Variants in ECI1 observed in about 807,000 individuals in gnomAD.
The protein encoded by ECI1 is enoyl-CoA delta isomerase 1, mitochondrial.
Under a neutral mutation model 34.2 loss-of-function variants are expected in ECI1, and 34 were observed. The ratio of observed to expected loss-of-function variants is 1.00; its 90% CI spans 0.76 to 1.33. The LOEUF (loss-of-function observed/expected upper bound fraction) is 1.33. Ranked by LOEUF, ECI1 falls within the 40% of genes most tolerant of loss-of-function variation. The pLI is 0.00. For missense variants in ECI1, 456 were observed against 422.2 expected (o/e 1.08, Z -0.70); for synonymous variants, 211 against 193.0 (o/e 1.09, Z -0.77).
At position 2,243,390 on chromosome 16, in the gene ECI1, C is replaced by A. The variant is rs202037059; in HGVS notation, c.491G>T (p.Arg164Leu). Reference protein sequence around the residue: ...GCLVALTCDYRILADNPRYCI... With the variant: ...GCLVALTCDYLILADNPRYCI... The stretch of plus-strand genomic sequence containing the variant: ...GTACCTGGGGTTGTCCGCCAGGATG[C>A]GGTAGTCACAGGTCAGGGCCACCAG... Residue 164 changes from arginine to leucine, a missense_variant, in exon 5 of 7, where the codon CGC becomes CTC. Transcript: ENST00000301729. 35 of 1,613,396 alleles carry A rather than the reference C, an allele frequency of 2.2e-5. No homozygotes were observed. Among genetic ancestry groups the A allele is most frequent in the Non-Finnish European group, 2.9e-5 (34 of 1,179,962 alleles).
At chr16:2,247,243 C>T (rs1479234628) in intron 2 of ECI1, among the ~76,000 whole-genome samples, 2 of 152,090 alleles carry the variant, frequency 1.3e-5, no homozygotes, top group Non-Finnish European at 2.9e-5. Flanking sequence ...ACTACAGGTG[C>T]CCACCACCAC....
intron 2 of ECI1, among the ~76,000 whole-genome samples, chr16:2,249,151 T>C (rs1442774264): frequency 6.6e-6 from 1 of 152,132 alleles, no homozygotes; most frequent in Non-Finnish European, 1.5e-5. Context: ...GTTCACACCA[T>C]TCTCCTGCCT....
intron 3 of ECI1, among the ~76,000 whole-genome samples, chr16:2,245,694 C>T (rs1289849036): frequency 6.6e-6 from 1 of 151,754 alleles, no homozygotes; most frequent in Non-Finnish European, 1.5e-5. Context: ...AGCAAGACCC[C>T]GCCTGTACAA....
At chr16:2,244,865 G>A (rs2093536699) in intron 3 of ECI1, among the ~76,000 whole-genome samples, 1 of 152,216 alleles carries the variant, frequency 6.6e-6, no homozygotes, top group African/African-American at 2.4e-5. Flanking sequence ...CGCCTGGCTC[G>A]GGCAGAAGAA....
chr16:2,239,695 C>T lies in ECI1; in HGVS notation c.*284G>A, dbSNP rs2141492212. 2.1e-6 allele frequency: 1 copy of T among 465,962 alleles called. No homozygotes were observed. The highest frequency in any genetic ancestry group is 2.0e-5 in the South Asian group (1 of 48,810). The allele number at this position is 465,962 out of a possible 1,614,324, so 28.9% of individuals were successfully genotyped here. A position where few individuals can be genotyped will look rare whatever the true frequency, so the allele number is the denominator to read the frequency against. ...TACGATTCTGCCTTGGGAACAGAGA[C>T]ACTCCGTGGCAACCTCACCAGGTCC... On this transcript the variant is annotated 3_prime_UTR_variant, in exon 7 of 7. Transcript: ENST00000301729.
At chr16:2,245,047 G>A (rs1321010696) in intron 3 of ECI1, among the ~76,000 whole-genome samples, 1 of 152,158 alleles carries the variant, frequency 6.6e-6, no homozygotes, top group Non-Finnish European at 1.5e-5. Context: ...AAGGGCGAGG[G>A]GTGAGCACAG....
chr16:2,243,473 C>G (rs1484932403), intron 4 of ECI1, 34 bp from the exon 5 acceptor site: 1 of 1,606,760 alleles, frequency 6.2e-7, no homozygotes, highest in East Asian at 2.2e-5. Context: ...CTCTTAGGTG[C>G]TGCTGGTCCC....
In ECI1 at chr16:2,239,973, C is replaced by A; in HGVS notation, c.*6G>T. 1.2e-6 allele frequency: 2 copies of A among 1,613,578 alleles called. No individual in the cohort carries two copies. The highest frequency in any genetic ancestry group is 1.7e-6 in the Non-Finnish European group (2 of 1,180,000). ...GTGTGGCCGTAAGCCTGTGGCAGCC[C>A]AATCGTTAGCCTTTTTCTTCTTTGA... is the stretch of plus-strand genomic sequence containing the variant. On this transcript the variant is annotated 3_prime_UTR_variant, in exon 7 of 7. Coordinates refer to ENST00000301729, the MANE Select transcript of ECI1 (RefSeq NM_001919.4).
intron 6 of ECI1, among the ~76,000 whole-genome samples, chr16:2,242,256 G>C (rs868330231): frequency 6.6e-5 from 10 of 151,858 alleles, no homozygotes; most frequent in South Asian, 2.1e-4. Flanking sequence ...GCCTCCCAAA[G>C]TGCTGAGATT....
chr16:2,248,595 G>A (rs963573031), intron 2 of ECI1, among the ~76,000 whole-genome samples: 7 of 151,690 alleles, frequency 4.6e-5, no homozygotes, highest in Admixed American at 2.6e-4. Context: ...TGCATTTTTA[G>A]TAGAGACGGG....
intron 2 of ECI1, among the ~76,000 whole-genome samples, chr16:2,249,032 ATTTATTTT>A (rs2093546700): frequency 6.8e-6 from 1 of 148,072 alleles, no homozygotes; most frequent in Admixed American, 6.8e-5. Flanking sequence ...TTATTTATTT[ATTTATTTT>A]ATTTAATTAA....
At chr16:2,243,496 G>A in intron 4 of ECI1, 57 bp from the exon 5 acceptor site, 1 of 1,600,620 alleles carries the variant, frequency 6.2e-7, no homozygotes, top group Non-Finnish European at 8.5e-7. Flanking sequence ...CCACATTCCA[G>A]AGGGCCAGGT....
Position 2,251,497 on chromosome 16 carries a change from C to A in ECI1, c.52+18G>T. 6.4e-7 allele frequency: 1 copy of A among 1,557,820 alleles called. No individual in the cohort carries two copies. Among genetic ancestry groups the A allele is most frequent in the East Asian group, 2.4e-5 (1 of 41,480 alleles). On this transcript the variant is annotated intron_variant, in intron 1 of 6. Coordinates refer to ENST00000301729, the MANE Select transcript of ECI1 (RefSeq NM_001919.4). ...GCCCCGGCCCCGGCCCGATCCCTGC[C>A]CACCCCGGGTTTCGCACCCGCGCGG...
chr16:2,250,185 G>GGA (rs2093549869), intron 2 of ECI1, among the ~76,000 whole-genome samples: 1 of 144,808 alleles, frequency 6.9e-6, no homozygotes, highest in Non-Finnish European at 1.5e-5. Flanking sequence ...CTTGAACCCA[G>GGA]GAGGCACAGG....
chr16:2,246,746 C>T, intron 3 of ECI1, 113 bp downstream of exon 3: 1 of 1,541,626 alleles, frequency 6.5e-7, no homozygotes, highest in Non-Finnish European at 8.9e-7. Flanking sequence ...GCCGGCTGGC[C>T]TGTGCCACAC....
chr16:2,240,166 C>T (rs752145895), intron 6 of ECI1, 21 bp from the exon 7 acceptor site: 28 of 1,612,070 alleles, frequency 1.7e-5, no homozygotes, highest in African/African-American at 2.7e-5. Context: ...TGGGACGTGC[C>T]ACTGAAATCC....
In ECI1 at chr16:2,251,317, T is replaced by C; in HGVS notation, c.165A>G (p.Ala55=). Residue 55 remains alanine, a splice_region_variant and synonymous_variant, in exon 2 of 7, where the codon GCA becomes GCG. Transcript: ENST00000301729. ...CCTCCCTCGGCGCCGCCCGCTCACC[T>C]GCGCCCGCGTCCGGCTCCACCAGCA... The part of the protein sequence containing the change: ...QRVLVEPDAG[A]GVAVMKFKNP... 3 of 1,208,500 alleles carry C rather than the reference T, an allele frequency of 2.5e-6. No homozygotes were observed. Among genetic ancestry groups the C allele is most frequent in the Non-Finnish European group, 3.1e-6 (3 of 966,270 alleles). The allele number at this position is 1,208,500 out of a possible 1,614,324, so 74.9% of individuals were successfully genotyped here. A position where few individuals can be genotyped will look rare whatever the true frequency, so the allele number is the denominator to read the frequency against.
At chr16:2,247,532 G>A (rs2093543222) in intron 2 of ECI1, among the ~76,000 whole-genome samples, 1 of 152,158 alleles carries the variant, frequency 6.6e-6, no homozygotes, top group South Asian at 2.1e-4. Flanking sequence ...CGAGTAGCTA[G>A]GATTACAGGT....
intron 3 of ECI1, among the ~76,000 whole-genome samples, chr16:2,245,551 A>C (rs1409002905): frequency 6.6e-6 from 1 of 152,190 alleles, no homozygotes; most frequent in Non-Finnish European, 1.5e-5. Context: ...TTGTTTCTAC[A>C]AAACGCGTTC....
Sources: gnomAD v4.1 joint callset for allele counts (sites outside exome capture counted in the v4.1 genomes callset) on GRCh38, gnomAD v4.1.1 for gene constraint, MANE v1.5 for transcripts, NCBI Gene and HGNC (gene_info 2026-07-23, HGNC 2026-07-21) for gene names.